Variants in SLIT2 observed in about 807,000 individuals in gnomAD.
SLIT2 encodes slit guidance ligand 2.
Under a neutral mutation model 185.7 loss-of-function variants are expected in SLIT2, and 41 were observed. The ratio of observed to expected loss-of-function variants is 0.22; its 90% CI spans 0.17 to 0.29. The LOEUF is 0.29. SLIT2 is among the 10% of genes least tolerant of loss of function. The pLI is 1.00. For synonymous variants in SLIT2, 693 were observed against 680.2 expected (o/e 1.02, Z -0.29); for missense variants, 1,571 against 1,909.0 (o/e 0.82, Z 3.30).
At chr4:20,539,401 A>T in intron 18 of SLIT2, 40 bp from the exon 19 acceptor site, 1 of 1,583,366 alleles carries the variant, frequency 6.3e-7, no homozygotes, top group Non-Finnish European at 8.6e-7. Context: ...TGATTGCCTG[A>T]TGCTTTGTCT....
In SLIT2 at chr4:20,341,326, G is replaced by C. The variant is rs568362055; in HGVS notation, c.395+72445G>C. 2.6e-5 allele frequency among the ~76,000 whole-genome samples: 4 copies of C among 152,290 alleles called. No homozygotes were observed. The South Asian group carries it at 8.3e-4, about 32-fold the overall frequency. Reference sequence around the variant, plus strand: ...GAGATATTATACTGAGTCAATGTTTGTACCATAACACCTTATTTTTCCTTA... The same window carrying C: ...GAGATATTATACTGAGTCAATGTTTCTACCATAACACCTTATTTTTCCTTA... On this transcript the variant is annotated intron_variant, in intron 4 of 36. Coordinates refer to ENST00000504154, the MANE Select transcript of SLIT2 (RefSeq NM_004787.4).
intron 25 of SLIT2, among the ~76,000 whole-genome samples, chr4:20,551,239 G>A (rs901461023): frequency 6.6e-6 from 1 of 152,064 alleles, no homozygotes; most frequent in African/African-American, 2.4e-5. Flanking sequence ...TCCTAACCCT[G>A]CTTTTCTAAG....
rs774485086 is a variant in SLIT2, at chr4:20,529,113, C to G, written c.1613+14C>G. 12 of 1,563,656 alleles carry G rather than the reference C, an allele frequency of 7.7e-6. No homozygotes were observed. Among genetic ancestry groups the G allele is most frequent in the African/African-American group, 6.7e-5 (5 of 74,090 alleles). On this transcript the variant is annotated intron_variant, in intron 16 of 36. Coordinates refer to ENST00000504154, the MANE Select transcript of SLIT2 (RefSeq NM_004787.4). ...CACTGCAGAGTTGTAAGTTCATCCC[C>G]CAACAAAATTCTGGTTGGGATGGAG...
intron 4 of SLIT2, among the ~76,000 whole-genome samples, chr4:20,385,233 C>A (rs991528785): frequency 2.0e-5 from 3 of 152,142 alleles, no homozygotes; most frequent in African/African-American, 4.8e-5. Context: ...GGCGAATGAA[C>A]AAACAAGGAA....
intron 4 of SLIT2, among the ~76,000 whole-genome samples, chr4:20,411,273 C>T (rs1024844029): frequency 3.3e-5 from 5 of 152,192 alleles, no homozygotes; most frequent in Non-Finnish European, 5.9e-5. Flanking sequence ...CTTTAATTAA[C>T]TAGCAATATT....
rs1437032694 is a variant in SLIT2, at chr4:20,254,847, T to G, written c.179+853T>G. 22 of 444,004 alleles carry G rather than the reference T, an allele frequency of 5.0e-5. No individual in the cohort carries two copies. Among genetic ancestry groups the G allele is most frequent in the Non-Finnish European group, 5.9e-5 (13 of 220,450 alleles). 27.5% of individuals were successfully genotyped at this position (444,004 alleles called of 1,614,324 possible). On this transcript the variant is annotated intron_variant, in intron 1 of 36. Coordinates refer to ENST00000504154, the MANE Select transcript of SLIT2 (RefSeq NM_004787.4). This position sits in a 1 kb window ranked among gnomAD's most constrained non-coding sequence, Gnocchi z 5.1. ...ACCTTTCTGGCAGTTTCTGCGCCCC[T>G]TCACGTGGCAGCAGTTCCCCTGCCT...
Position 20,618,940 on chromosome 4 carries a change from T to G in SLIT2, c.4521T>G (p.Thr1507=), listed in dbSNP as rs1316096056. 1.2e-6 allele frequency: 2 copies of G among 1,614,162 alleles called. No individual in the cohort carries two copies. Among genetic ancestry groups the G allele is most frequent in the East Asian group, 2.2e-5 (1 of 44,848 alleles). Residue 1507 remains threonine, a synonymous_variant, in exon 37 of 37, where the codon ACT becomes ACG. Coordinates refer to ENST00000504154, the MANE Select transcript of SLIT2 (RefSeq NM_004787.4). ...SKRRKYSFEC[T]DGSSFVDEVE... is the part of the protein sequence containing the mutation. ...GGCGGAAATACTCTTTCGAATGCACTGACGGCTCCTCCTTTGTGGACGAGG... is the reference window on the plus strand; with the variant it reads ...GGCGGAAATACTCTTTCGAATGCACGGACGGCTCCTCCTTTGTGGACGAGG...
chr4:20,569,023 A>G lies in SLIT2; in HGVS notation c.3088+19A>G, dbSNP rs1431671547. Reference sequence around the variant, plus strand: ...TATACAGGTACAAATAATAGGAAATATTTTGCCTTCCATCAGTATATCTGT... The same window carrying G: ...TATACAGGTACAAATAATAGGAAATGTTTTGCCTTCCATCAGTATATCTGT... On this transcript the variant is annotated intron_variant, in intron 29 of 36. Transcript: ENST00000504154. 1 of 1,608,796 alleles carries G rather than the reference A, an allele frequency of 6.2e-7. No individual in the cohort carries two copies. Among genetic ancestry groups the G allele is most frequent in the East Asian group, 2.2e-5 (1 of 44,726 alleles).
intron 5 of SLIT2, among the ~76,000 whole-genome samples, chr4:20,472,062 A>C (rs180962266): frequency 6.6e-6 from 1 of 151,222 alleles, no homozygotes; most frequent in Non-Finnish European, 1.5e-5. Context: ...ACTGTTTATA[A>C]TGGTCACTGG....
chr4:20,585,288 C>T (rs1726965142), intron 29 of SLIT2, among the ~76,000 whole-genome samples: 1 of 152,200 alleles, frequency 6.6e-6, no homozygotes. Flanking sequence ...AAAACATACA[C>T]AACCAACATA....
At chr4:20,361,525 TAGC>T (rs1378049100) in intron 4 of SLIT2, among the ~76,000 whole-genome samples, 3 of 152,160 alleles carry the variant, frequency 2.0e-5, no homozygotes, top group South Asian at 4.1e-4. Context: ...AGTGATGAAG[TAGC>T]AGTGCATTAA....
rs528841174 is a variant in SLIT2 at position 20,561,637 on chromosome 4, G to A, written c.2726-5625G>A. Among the ~76,000 whole-genome samples the A allele has an allele frequency of 2.3e-3, 346 of 151,618 alleles. 7 individuals carry two copies. The highest frequency in any genetic ancestry group is 8.1e-3 in the African/African-American group (335 of 41,318). ...ACTGATCAGTTAGATCAGTTTTGAA[G>A]CATTATTTAGAACTTGGTCAAATCT... On this transcript the variant is annotated intron_variant, in intron 26 of 36. Transcript: ENST00000504154.
In SLIT2 at chr4:20,398,391, C is replaced by A. The variant is rs115823873; in HGVS notation, c.396-69361C>A. Among the ~76,000 whole-genome samples the A allele has an allele frequency of 7.0e-3, 1,059 of 151,844 alleles. 23 individuals are homozygous for A. The highest frequency in any genetic ancestry group is 0.024 in the African/African-American group (1,001 of 41,448). On this transcript the variant is annotated intron_variant, in intron 4 of 36. Coordinates refer to ENST00000504154, the MANE Select transcript of SLIT2 (RefSeq NM_004787.4). ...CACAGACTGAAGCTGGTTCGAGAGTCCTGAGACATCAAGAAATAGAGACAG... is the reference window on the plus strand; with the variant it reads ...CACAGACTGAAGCTGGTTCGAGAGTACTGAGACATCAAGAAATAGAGACAG...
chr4:20,344,916 C>T lies in SLIT2; in HGVS notation c.395+76035C>T, dbSNP rs977940435. 3.3e-5 allele frequency among the ~76,000 whole-genome samples: 5 copies of T among 152,134 alleles called. No homozygotes were observed. The South Asian group carries it at 6.2e-4, about 19-fold the overall frequency. ...CCTCTAATGCATTTTTGGAAGAGAA[C>T]ATGCTTAATTTTAAATTCTGTAGTG... is the stretch of plus-strand genomic sequence containing the variant. On this transcript the variant is annotated intron_variant, in intron 4 of 36. Coordinates refer to ENST00000504154, the MANE Select transcript of SLIT2 (RefSeq NM_004787.4).
chr4:20,480,454 A>G (rs1716581796), intron 5 of SLIT2, among the ~76,000 whole-genome samples: 1 of 152,194 alleles, frequency 6.6e-6, no homozygotes, highest in Admixed American at 6.5e-5. Context: ...TTGCATTCCT[A>G]TGGCATTTAA....
chr4:20,428,405 G>A (rs186264993), intron 4 of SLIT2, among the ~76,000 whole-genome samples: 1 of 152,316 alleles, frequency 6.6e-6, no homozygotes, highest in East Asian at 1.9e-4. Flanking sequence ...TTGACTCATG[G>A]TAGTCACTTA....
At chr4:20,297,721 T>A (rs1272224625) in intron 4 of SLIT2, among the ~76,000 whole-genome samples, 1 of 152,164 alleles carries the variant, frequency 6.6e-6, no homozygotes, top group African/African-American at 2.4e-5. Flanking sequence ...AAATGATATA[T>A]TTGTGTAAAT....
intron 4 of SLIT2, among the ~76,000 whole-genome samples, chr4:20,397,400 T>C (rs1046017445): frequency 6.6e-6 from 1 of 151,712 alleles, no homozygotes; most frequent in African/African-American, 2.4e-5. Flanking sequence ...AGCCTGAAAG[T>C]GCTGTGTTGT....
chr4:20,456,397 C>T (rs1283451996), intron 4 of SLIT2, among the ~76,000 whole-genome samples: 1 of 152,086 alleles, frequency 6.6e-6, no homozygotes, highest in Non-Finnish European at 1.5e-5. Context: ...TCCATTTCTT[C>T]TTACCAGACC....
Sources: gnomAD v4.1 joint callset for allele counts (sites outside exome capture counted in the v4.1 genomes callset) on GRCh38, gnomAD v4.1.1 for gene constraint, Gnocchi (gnomAD v3.1) non-coding constraint, MANE v1.5 for transcripts, NCBI Gene and HGNC (gene_info 2026-07-23, HGNC 2026-07-21) for gene names.